Variants in ZFAT observed in about 807,000 individuals in gnomAD.
ZFAT encodes the protein zinc finger and AT-hook domain containing.
A neutral mutation model predicts 117.7 loss-of-function variants in ZFAT; 64 were observed. The observed-to-expected ratio is 0.54, with a 90% CI of 0.44 to 0.67. ZFAT has a LOEUF of 0.67. ZFAT is among the 30% of genes least tolerant of loss of function. The probability of loss-of-function intolerance (pLI) is 0.00; values close to 1 mark genes in which losing one functional copy is unlikely to be tolerated. For missense variants in ZFAT, 1,433 were observed against 1,584.5 expected, an observed-to-expected ratio of 0.90 and a Z score of 1.62; for synonymous variants, 679 against 615.0, an observed-to-expected ratio of 1.10 and a Z score of -1.54.
chr8:134,673,257 A>G (rs1006421123), intron 1 of ZFAT: 2 of 152,354 alleles, frequency 1.3e-5, no homozygotes, highest in East Asian at 3.8e-4. Flanking sequence ...TAAATCAGAG[A>G]TGACTTGCTT....
the ZFAT span, among the ~76,000 whole-genome samples, chr8:134,729,377 G>C: frequency 9.3e-3 from 1,413 of 152,310 alleles, 14 homozygotes; most frequent in East Asian, 0.043. Context: ...TATCACCCAG[G>C]CTGGAGTGCA....
chr8:134,501,947 C>G (rs1819015083), intron 15 of ZFAT, among the ~76,000 whole-genome samples: 1 of 152,178 alleles, frequency 6.6e-6, no homozygotes, highest in Non-Finnish European at 1.5e-5. Flanking sequence ...TTCAGATGGC[C>G]AGGCTCTCTT....
At chr8:134,712,732 G>A (rs1331709090) in intron 1 of ZFAT, 113 bp downstream of exon 1, 10 of 947,622 alleles carry the variant, frequency 1.1e-5, no homozygotes, top group African/African-American at 1.9e-5. Flanking sequence ...GCCGGCGGCC[G>A]GCGGCCGGCG....
chr8:134,515,689 G>C (rs963334698), intron 13 of ZFAT, among the ~76,000 whole-genome samples: 2 of 151,980 alleles, frequency 1.3e-5, no homozygotes, highest in African/African-American at 4.8e-5. Flanking sequence ...TAAGTTCCTT[G>C]TAGATTCTGG....
intron 1 of ZFAT, among the ~76,000 whole-genome samples, chr8:134,686,203 G>A (rs972760760): frequency 2.6e-5 from 4 of 152,204 alleles, no homozygotes; most frequent in African/African-American, 9.7e-5. Flanking sequence ...AACTCTTATG[G>A]GGCTTTCCCG....
intron 1 of ZFAT, among the ~76,000 whole-genome samples, chr8:134,662,714 C>T (rs1831992883): frequency 6.6e-6 from 1 of 152,192 alleles, no homozygotes; most frequent in Admixed American, 6.5e-5. Context: ...GAGTAAAAGG[C>T]CAGCATCTAT....
At chr8:134,655,594 G>A (rs1221509883) in intron 2 of ZFAT, among the ~76,000 whole-genome samples, 1 of 150,398 alleles carries the variant, frequency 6.6e-6, no homozygotes, top group African/African-American at 2.4e-5. Context: ...GTGGCAGTGA[G>A]CCAAGATCAC....
At chr8:134,737,626 A>T in the ZFAT span, among the ~76,000 whole-genome samples, 1 of 152,220 alleles carries the variant, frequency 6.6e-6, no homozygotes, top group Non-Finnish European at 1.5e-5. Context: ...GGTAAAACTT[A>T]GGACTGCCCA....
Position 134,650,773 on chromosome 8 carries a change from T to C in ZFAT, c.196+6788A>G, listed in dbSNP as rs146573812. Among the ~76,000 whole-genome samples, 54 of 152,332 alleles carry C rather than the reference T, an allele frequency of 3.5e-4. 1 individual carries two copies. The Middle Eastern group carries it at 0.01, about 29-fold the overall frequency. On this transcript the variant is annotated intron_variant, in intron 2 of 15. Coordinates refer to ENST00000377838, the MANE Select transcript of ZFAT (RefSeq NM_020863.4). ...ACTCATACATTTGTACTCAATTGAT[T>C]TTTGACAAGGGTGCCAAAACCTCTC...
intron 15 of ZFAT, among the ~76,000 whole-genome samples, chr8:134,480,934 G>T (rs1817259841): frequency 6.6e-6 from 1 of 152,158 alleles, no homozygotes; most frequent in Non-Finnish European, 1.5e-5. Context: ...AGAGAAAAAT[G>T]GAAAAGGTTC....
chr8:134,707,944 A>T (rs1356615038), intron 1 of ZFAT, among the ~76,000 whole-genome samples: 7 of 152,264 alleles, frequency 4.6e-5, no homozygotes, highest in Non-Finnish European at 1.0e-4. Flanking sequence ...AATCGGCCTC[A>T]GTGGCCAACA....
chr8:134,566,579 C>A (rs1048981870), intron 10 of ZFAT, among the ~76,000 whole-genome samples: 1 of 152,150 alleles, frequency 6.6e-6, no homozygotes, highest in African/African-American at 2.4e-5. Flanking sequence ...CTTCGTATAG[C>A]AGTAAAGAAT....
chr8:134,599,413 G>A (rs1827231119), intron 7 of ZFAT: 1 of 233,150 alleles, frequency 4.3e-6, no homozygotes, highest in African/African-American at 2.4e-5. Context: ...ATATGTGTGT[G>A]GATGTATATA....
chr8:134,694,147 G>A (rs1002262236), intron 1 of ZFAT, among the ~76,000 whole-genome samples: 3 of 152,174 alleles, frequency 2.0e-5, no homozygotes, highest in Non-Finnish European at 4.4e-5. Flanking sequence ...GGAACGCGGG[G>A]CGCAGCTGAG....
At chr8:134,730,226 A>G in the ZFAT span, among the ~76,000 whole-genome samples, 4 of 152,216 alleles carry the variant, frequency 2.6e-5, no homozygotes, top group East Asian at 1.9e-4. Flanking sequence ...CCCGGGCCCA[A>G]TGCCCCCAGT....
At chr8:134,736,312 G>A in the ZFAT span, among the ~76,000 whole-genome samples, 3 of 152,136 alleles carry the variant, frequency 2.0e-5, no homozygotes, top group Non-Finnish European at 4.4e-5. Context: ...TGAGTTATAA[G>A]TGACCCTCAT....
At chr8:134,615,640 C>T (rs1428715117) in intron 3 of ZFAT, among the ~76,000 whole-genome samples, 1 of 152,236 alleles carries the variant, frequency 6.6e-6, no homozygotes, top group Non-Finnish European at 1.5e-5. Flanking sequence ...GCAGCCAAAG[C>T]TGCTTCCAGT....
chr8:134,489,454 T>G (rs1222728764), intron 15 of ZFAT, among the ~76,000 whole-genome samples: 2 of 152,112 alleles, frequency 1.3e-5, no homozygotes, highest in Non-Finnish European at 2.9e-5. Flanking sequence ...AGTCTGCACC[T>G]TGCTCGGCCT....
intron 7 of ZFAT, among the ~76,000 whole-genome samples, chr8:134,592,136 A>G (rs1189856651): frequency 6.6e-6 from 1 of 152,212 alleles, no homozygotes; most frequent in Non-Finnish European, 1.5e-5. Context: ...AGAAGGACTA[A>G]TTCCCTCTAC....
Sources: gnomAD v4.1 joint callset for allele counts (sites outside exome capture counted in the v4.1 genomes callset) on GRCh38, gnomAD v4.1.1 for gene constraint, MANE v1.5 for transcripts, NCBI Gene and HGNC (gene_info 2026-07-23, HGNC 2026-07-21) for gene names.